Variants in NOS1AP observed in about 807,000 individuals in gnomAD.
NOS1AP encodes carboxyl-terminal PDZ ligand of neuronal nitric oxide synthase protein.
NOS1AP carries 21 observed loss-of-function variants against 56.2 expected under a neutral mutation model. The ratio of observed to expected loss-of-function variants is 0.37; its 90% confidence interval spans 0.26 to 0.54. The LOEUF (loss-of-function observed/expected upper bound fraction) is 0.54. NOS1AP is among the 20% of genes least tolerant of loss of function. NOS1AP has a pLI of 0.84. For synonymous variants in NOS1AP, 270 were observed against 274.6 expected, an observed-to-expected ratio of 0.98 and a Z score of 0.17; for missense variants, 522 against 657.8, an observed-to-expected ratio of 0.79 and a Z score of 2.26.
chr1:162,173,549 A>C (rs1329211527), intron 2 of NOS1AP, among the ~76,000 whole-genome samples: 1 of 152,210 alleles, frequency 6.6e-6, no homozygotes, highest in Non-Finnish European at 1.5e-5. Flanking sequence ...CAATGGCAAC[A>C]AAAGCCAAAA....
At chr1:162,247,078 G>A (rs566669847) in intron 2 of NOS1AP, among the ~76,000 whole-genome samples, 2 of 152,206 alleles carry the variant, frequency 1.3e-5, no homozygotes, top group East Asian at 1.9e-4. Flanking sequence ...GCTTTGAATT[G>A]GTCCTGGGTT....
At position 162,368,960 on chromosome 1, in the gene NOS1AP, A is replaced by T. The variant is rs903372941; in HGVS notation, c.*1493A>T. ...AGTGCAGTCCTCTTCTAATGGCCAC[A>T]GTTGGTTTTCTTGTAGCCCAGAAAG... On this transcript the variant is annotated 3_prime_UTR_variant, in exon 10 of 10. Coordinates refer to ENST00000361897, the MANE Select transcript of NOS1AP (RefSeq NM_014697.3). 6.6e-5 allele frequency: 10 copies of T among 152,328 alleles called. No individual in the cohort carries two copies. The highest frequency in any genetic ancestry group is 2.4e-4 in the African/African-American group (10 of 41,574). The allele number at this position is 152,328 out of a possible 1,614,324, so 9.4% of individuals were successfully genotyped here.
At chr1:162,111,116 G>A (rs532203581) in intron 1 of NOS1AP, among the ~76,000 whole-genome samples, 2 of 152,358 alleles carry the variant, frequency 1.3e-5, no homozygotes, top group South Asian at 4.1e-4. Context: ...TGAGTGGTTT[G>A]TAGGAAGTAA....
intron 2 of NOS1AP, among the ~76,000 whole-genome samples, chr1:162,218,402 T>G (rs1223190705): frequency 6.6e-6 from 1 of 152,206 alleles, no homozygotes. Context: ...CTTTGAACTC[T>G]CTTACCTATT....
chr1:162,300,058 C>G (rs1436268679), intron 3 of NOS1AP, among the ~76,000 whole-genome samples: 1 of 152,186 alleles, frequency 6.6e-6, no homozygotes, highest in African/African-American at 2.4e-5. Flanking sequence ...TTTCCCTGGA[C>G]AGCAAAGTCT....
chr1:162,248,073 G>A (rs921463885), intron 2 of NOS1AP, among the ~76,000 whole-genome samples: 4 of 151,910 alleles, frequency 2.6e-5, no homozygotes, highest in Admixed American at 6.6e-5. Context: ...GCTTGAGGCC[G>A]GATGTTCAAA....
intron 1 of NOS1AP, among the ~76,000 whole-genome samples, chr1:162,072,671 G>C (rs1328681304): frequency 1.3e-5 from 2 of 152,194 alleles, no homozygotes. Context: ...CCAGATCTTT[G>C]TAATTGATGC....
intron 4 of NOS1AP, among the ~76,000 whole-genome samples, chr1:162,311,201 AC>A (rs1295447602): frequency 6.6e-6 from 1 of 151,566 alleles, no homozygotes; most frequent in Non-Finnish European, 1.5e-5. Flanking sequence ...CATTCCCCAC[AC>A]CTCCAAACAC....
At chr1:162,195,118 G>C (rs1345191168) in intron 2 of NOS1AP, among the ~76,000 whole-genome samples, 1 of 152,094 alleles carries the variant, frequency 6.6e-6, no homozygotes, top group African/African-American at 2.4e-5. Flanking sequence ...AAATGGGATA[G>C]GGGTAGTATA....
rs190239104 is a variant in NOS1AP, at chr1:162,161,585, T to C, written c.177+7109T>C. 4.7e-5 allele frequency among the ~76,000 whole-genome samples: 7 copies of C among 149,278 alleles called. No individual in the cohort carries two copies. In the East Asian group the frequency reaches 1.5e-3, roughly 31 times the overall value. ...GTGGATTATGAACCATAAATAATAG[T>C]TCTTTGCCTCCTTTTTTTTTTCCCT... On this transcript the variant is annotated intron_variant, in intron 2 of 9. Transcript: ENST00000361897.
At chr1:162,265,627 G>C (rs1215426082) in intron 2 of NOS1AP, among the ~76,000 whole-genome samples, 1 of 151,956 alleles carries the variant, frequency 6.6e-6, no homozygotes, top group African/African-American at 2.4e-5. Context: ...GTGGATTTGT[G>C]GGGTTCTTTG....
intron 1 of NOS1AP, among the ~76,000 whole-genome samples, chr1:162,096,053 T>C (rs962930394): frequency 3.9e-5 from 6 of 152,340 alleles, no homozygotes; most frequent in African/African-American, 1.4e-4. Context: ...TACTGTTAGG[T>C]TATTTTTATT....
intron 1 of NOS1AP, among the ~76,000 whole-genome samples, chr1:162,081,774 A>ATATATATATATATTTTTT: frequency 2.3e-5 from 1 of 44,060 alleles, no homozygotes; most frequent in African/African-American, 7.7e-5. Context: ...ATATATATAT[A>ATATATATATATATTTTTT]TTTTTTTTTT....
intron 2 of NOS1AP, among the ~76,000 whole-genome samples, chr1:162,274,526 T>G (rs1423343371): frequency 2.0e-5 from 3 of 152,246 alleles, no homozygotes; most frequent in Non-Finnish European, 4.4e-5. Context: ...TTATCTATTC[T>G]AATATGTATA....
At chr1:162,365,074 A>G (rs887062955) in intron 8 of NOS1AP, 3 of 1,059,168 alleles carry the variant, frequency 2.8e-6, no homozygotes, top group South Asian at 2.8e-5. Flanking sequence ...GTGTGTGTAT[A>G]TGTGCACGTG....
At chr1:162,156,414 T>A (rs1649977019) in intron 2 of NOS1AP, among the ~76,000 whole-genome samples, 1 of 152,056 alleles carries the variant, frequency 6.6e-6, no homozygotes, top group African/African-American at 2.4e-5. Flanking sequence ...AACTTTCGAG[T>A]GTTTCCAGGC....
intron 8 of NOS1AP, chr1:162,364,625 A>G: frequency 1.0e-6 from 1 of 985,468 alleles, no homozygotes; most frequent in Non-Finnish European, 1.2e-6. Context: ...GGTGCCACAA[A>G]TTGTTCACCT....
rs35637289 is a variant in NOS1AP at position 162,255,490 on chromosome 1, A to ATTTTTTTTTTTTTTTTTTTTTTTTTT, written c.178-31844_178-31819dup. On this transcript the variant is annotated intron_variant, in intron 2 of 9. Coordinates refer to ENST00000361897, the MANE Select transcript of NOS1AP (RefSeq NM_014697.3). ...ATGCATAGGTTATTTGCTGCTGCTG[A>ATTTTTTTTTTTTTTTTTTTTTTTTTT]TTTTTTTTTTTTTTTTTTTTTTTTT... Among the ~76,000 whole-genome samples, 10 of 60,968 alleles carry ATTTTTTTTTTTTTTTTTTTTTTTTTT rather than the reference A, an allele frequency of 1.6e-4. 2 individuals carry two copies. Among genetic ancestry groups the ATTTTTTTTTTTTTTTTTTTTTTTTTT allele is most frequent in the Non-Finnish European group, 2.5e-4 (7 of 28,172 alleles). The allele number at this position is 60,968 out of a possible 152,430, so 40.0% of individuals were successfully genotyped here. A position where few individuals can be genotyped will look rare whatever the true frequency, so the allele number is the denominator to read the frequency against.
chr1:162,288,606 A>G (rs989960311), intron 3 of NOS1AP, among the ~76,000 whole-genome samples: 6 of 152,164 alleles, frequency 3.9e-5, no homozygotes, highest in African/African-American at 1.4e-4. Flanking sequence ...GAAATTTACT[A>G]CTTCCTGAGG....
Sources: allele counts gnomAD v4.1 joint callset (sites outside exome capture counted in the v4.1 genomes callset), GRCh38; gene constraint gnomAD v4.1.1; transcripts MANE v1.5; gene names NCBI Gene and HGNC (gene_info 2026-07-23, HGNC 2026-07-21).